The following PKD1L3 variants were observed in gnomAD, a reference collection of about 807,000 sequenced individuals.
PKD1L3 encodes the protein polycystin-1-like protein 3.
PKD1L3 carries 239 observed loss-of-function variants against 184.1 expected under a neutral mutation model. The observed-to-expected ratio is 1.30, with a 90% CI of 1.17 to 1.45. PKD1L3 has a LOEUF of 1.45. Among genes scored for constraint, PKD1L3 ranks in the 40% most tolerant of loss-of-function variants. The pLI, the probability that PKD1L3 is intolerant of heterozygous loss-of-function variation, is 0.00. For synonymous variants in PKD1L3, 996 were observed against 778.8 expected (o/e 1.28, Z -4.64); for missense variants, 2,660 against 2,067.2 (o/e 1.29, Z -5.56).
At position 71,949,892 on chromosome 16, in the gene PKD1L3, A is replaced by G. The variant is rs2038762160; in HGVS notation, c.3509T>C (p.Phe1170Ser). 6.4e-7 allele frequency: 1 copy of G among 1,551,700 alleles called. No individual in the cohort carries two copies. The highest frequency in any genetic ancestry group is 1.2e-5 in the South Asian group (1 of 84,066). Reference protein sequence around the residue: ...LLGFTSLASAFFTALYSLELS... With the variant: ...LLGFTSLASASFTALYSLELS... ...TTCCAAGCTATAAAGTGCTGTAAAA[A>G]AGGCTGAAGCCAGGCTAGTGAAACC... Residue 1170 changes from phenylalanine to serine, a missense_variant, in exon 21 of 30, where the codon TTT becomes TCT. Coordinates refer to ENST00000620267, the MANE Select transcript of PKD1L3 (RefSeq NM_181536.2).
chr16:71,988,759 T>C (rs556570862), intron 4 of PKD1L3, among the ~76,000 whole-genome samples: 1 of 152,260 alleles, frequency 6.6e-6, no homozygotes, highest in East Asian at 1.9e-4. Context: ...AGTCCAAGTT[T>C]TATGTGGCAC....
chr16:71,989,456 G>A (rs1336672014), intron 4 of PKD1L3, among the ~76,000 whole-genome samples: 1 of 152,208 alleles, frequency 6.6e-6, no homozygotes, highest in Non-Finnish European at 1.5e-5. Context: ...CCCAGCCTCT[G>A]TTCTTTTATA....
At chr16:71,985,543 G>T (rs565565810) in intron 5 of PKD1L3, among the ~76,000 whole-genome samples, 2 of 151,930 alleles carry the variant, frequency 1.3e-5, no homozygotes, top group Non-Finnish European at 2.9e-5. Context: ...CTCAGCCCCT[G>T]CCCCGCCACC....
intron 6 of PKD1L3, among the ~76,000 whole-genome samples, chr16:71,982,540 C>A (rs1263082254): frequency 1.3e-5 from 2 of 152,112 alleles, no homozygotes; most frequent in Non-Finnish European, 2.9e-5. Flanking sequence ...CTACCCTGGC[C>A]TCCCAAAGTG....
In PKD1L3 at chr16:71,962,422, C is replaced by T. The variant is rs769641809; in HGVS notation, c.2612+783G>A. Among the ~76,000 whole-genome samples the T allele has an allele frequency of 3.9e-5, 6 of 152,162 alleles. No homozygotes were observed. The South Asian group carries it at 6.2e-4, about 16-fold the overall frequency. On this transcript the variant is annotated intron_variant, in intron 16 of 29. Transcript: ENST00000620267. Reference sequence around the variant, plus strand: ...ACCTAGAAAGATACAGAAGTTGATACGTATATTATACCGTTCTCCTGGTCT... The same window carrying T: ...ACCTAGAAAGATACAGAAGTTGATATGTATATTATACCGTTCTCCTGGTCT...
At chr16:71,984,731 C>T (rs2040292683) in intron 5 of PKD1L3, among the ~76,000 whole-genome samples, 1 of 152,152 alleles carries the variant, frequency 6.6e-6, no homozygotes, top group Non-Finnish European at 1.5e-5. Flanking sequence ...TGGTGGTGTA[C>T]ACCTGTAGTC....
intron 15 of PKD1L3, among the ~76,000 whole-genome samples, chr16:71,964,491 A>AC (rs1290539526): frequency 1.3e-5 from 2 of 150,854 alleles, no homozygotes; most frequent in African/African-American, 4.9e-5. Flanking sequence ...GGAAGGAGCC[A>AC]CCACGCCCGG....
At chr16:71,988,925 T>A (rs1379228719) in intron 4 of PKD1L3, among the ~76,000 whole-genome samples, 1 of 152,226 alleles carries the variant, frequency 6.6e-6, no homozygotes, top group Non-Finnish European at 1.5e-5. Flanking sequence ...ATTCTCCAGG[T>A]CTTGACTTCT....
intron 4 of PKD1L3, among the ~76,000 whole-genome samples, chr16:71,988,142 G>A (rs9938025): frequency 0.36 from 55,320 of 151,996 alleles, 10,413 homozygotes; most frequent in Middle Eastern, 0.48. Context: ...GGTCAGAAAA[G>A]GGGGCAACAG....
At chr16:71,932,000 T>C (rs921251138) in intron 28 of PKD1L3, among the ~76,000 whole-genome samples, 12 of 152,172 alleles carry the variant, frequency 7.9e-5, no homozygotes, top group African/African-American at 2.9e-4. Context: ...CACTTTGGCC[T>C]CCTAAGTAAC....
chr16:71,950,294 G>A lies in PKD1L3; in HGVS notation c.3207C>T (p.His1069=). The A allele has an allele frequency of 6.6e-7, 1 of 1,521,154 alleles. No individual in the cohort carries two copies. The highest frequency in any genetic ancestry group is 8.8e-7 in the Non-Finnish European group (1 of 1,131,080). 94.2% of individuals were successfully genotyped at this position (1,521,154 alleles called of 1,614,324 possible). A position where few individuals can be genotyped will look rare whatever the true frequency, so the allele number is the denominator to read the frequency against. ...RHWARVVPEN[H]HHFCCYLHRV... is the part of the protein sequence containing the mutation. ...TATGCAGGTAACAGCAGAAATGATG[G>A]TGGTTTTCAGGAACAACTGAAAATA... The change falls in exon 20 of 30, where the codon CAC becomes CAT. Residue 1069 remains histidine (H), a synonymous_variant. Transcript: ENST00000620267.
Position 71,942,712 on chromosome 16 carries a change from G to T in PKD1L3, c.4172C>A (p.Thr1391Asn), listed in dbSNP as rs750968335. 1.6e-5 allele frequency: 25 copies of T among 1,551,710 alleles called. No individual in the cohort carries two copies. The highest frequency in any genetic ancestry group is 2.4e-5 in the East Asian group (1 of 40,922). ...GAATAGGCTCTTGGGACGCCCACAG[G>T]TATGGCCGTTATCACAAAACGCCAG... ...GQLAFCDNGHTCGRPKSLFPG... is the reference protein window; with the variant it reads ...GQLAFCDNGHNCGRPKSLFPG... Residue 1391 changes from threonine to asparagine, a missense_variant, in exon 24 of 30, where the codon ACC (threonine) becomes AAC (asparagine). Transcript: ENST00000620267.
At chr16:71,978,503 A>G (rs62053845) in intron 9 of PKD1L3, 120 bp from the exon 10 acceptor site, 134,997 of 179,308 alleles carry the variant, frequency 0.75, 52,174 homozygotes, top group South Asian at 0.88. Flanking sequence ...GTGTATATAT[A>G]TATATATATA....
At chr16:71,986,166 C>T (rs2040353580) in intron 5 of PKD1L3, 55 bp downstream of exon 5, 1 of 1,536,932 alleles carries the variant, frequency 6.5e-7, no homozygotes, top group Non-Finnish European at 8.8e-7. Context: ...ATGGGTGAAC[C>T]AAGTACTTTT....
rs531337520 is a variant in PKD1L3 at position 71,982,203 on chromosome 16, A to G, written c.999T>C (p.Ser333=). The G allele has an allele frequency of 4.5e-6, 7 of 1,548,090 alleles. No homozygotes were observed. The East Asian group carries it at 1.7e-4, about 38-fold the overall frequency. The change falls in exon 7 of 30, where the codon AGT becomes AGC. Residue 333 remains serine, a synonymous_variant. Transcript: ENST00000620267. ...GAAATGGGATCCTGAGTAACTCCTC[A>G]CTCAGGTAAATAAGGGAATTGATGA... The part of the protein sequence containing the change: ...VNLINSLIYL[S]EELLRIPFQN...
chr16:71,945,395 TA>T (rs1567498819), intron 22 of PKD1L3, among the ~76,000 whole-genome samples: 3 of 38,646 alleles, frequency 7.8e-5, no homozygotes, highest in African/African-American at 1.4e-4. Context: ...TATATATATA[TA>T]TATTTATTTA....
intron 24 of PKD1L3, among the ~76,000 whole-genome samples, chr16:71,939,254 C>T (rs1353014102): frequency 3.3e-5 from 5 of 152,218 alleles, no homozygotes; most frequent in Admixed American, 6.5e-5. Flanking sequence ...GGCTGGACCC[C>T]GTGCTTGCTC....
intron 12 of PKD1L3, among the ~76,000 whole-genome samples, chr16:71,970,314 C>T (rs1011610503): frequency 6.6e-6 from 1 of 152,152 alleles, no homozygotes; most frequent in Admixed American, 6.6e-5. Context: ...TTGAATCCTG[C>T]AATTCCAGTT....
At chr16:71,953,645 G>C (rs1319695455) in intron 17 of PKD1L3, among the ~76,000 whole-genome samples, 1 of 152,106 alleles carries the variant, frequency 6.6e-6, no homozygotes, top group South Asian at 2.1e-4. Context: ...CCAGGCTGGA[G>C]TGCAGTGGTG....
Sources: gnomAD v4.1 joint callset for allele counts (sites outside exome capture counted in the v4.1 genomes callset) on GRCh38, gnomAD v4.1.1 for gene constraint, MANE v1.5 for transcripts, NCBI Gene and HGNC (gene_info 2026-07-23, HGNC 2026-07-21) for gene names.